Variants in FHL2 observed in about 807,000 individuals in gnomAD.
FHL2 encodes four and a half LIM domains protein 2.
FHL2 carries 20 observed loss-of-function variants against 32.7 expected under a neutral mutation model. That is an observed-to-expected ratio of 0.61 (90% CI 0.43 to 0.89). FHL2 has a LOEUF of 0.89. Ranked by LOEUF, FHL2 falls within the 40% of genes least tolerant of loss-of-function variation. The probability of loss-of-function intolerance (pLI) is 0.00; values close to 1 mark genes in which losing one functional copy is unlikely to be tolerated. For synonymous variants in FHL2, 123 were observed against 128.1 expected (o/e 0.96, Z 0.27); for missense variants, 311 against 358.6 (o/e 0.87, Z 1.07).
chr2:105,371,487 C>A (rs1231999307), intron 4 of FHL2, among the ~76,000 whole-genome samples: 1 of 151,826 alleles, frequency 6.6e-6, no homozygotes, highest in East Asian at 1.9e-4. Flanking sequence ...CAGCCTGCTG[C>A]CCTGTTCTAT....
At chr2:105,417,106 G>A (rs376123830) in intron 1 of FHL2, among the ~76,000 whole-genome samples, 6 of 152,190 alleles carry the variant, frequency 3.9e-5, no homozygotes, top group East Asian at 3.8e-4. Context: ...TGTTGCGGCC[G>A]GGCGCGGTGG....
intron 1 of FHL2, among the ~76,000 whole-genome samples, chr2:105,423,021 A>G (rs1238921412): frequency 6.6e-6 from 1 of 152,048 alleles, no homozygotes; most frequent in East Asian, 1.9e-4. Flanking sequence ...ACTCCCTCAT[A>G]GTGGAAAGCA....
At chr2:105,382,193 T>C (rs72823888) in intron 3 of FHL2, among the ~76,000 whole-genome samples, 3 of 152,328 alleles carry the variant, frequency 2.0e-5, no homozygotes, top group Non-Finnish European at 4.4e-5. Context: ...GAAAGAGAGT[T>C]TGTGAAACAA....
chr2:105,424,382 T>A (rs1310282153), intron 1 of FHL2, among the ~76,000 whole-genome samples: 1 of 152,204 alleles, frequency 6.6e-6, no homozygotes, highest in Non-Finnish European at 1.5e-5. Context: ...AAACAACAGA[T>A]GCTGGAGAGG....
chr2:105,434,022 CTT>C (rs1005963738), intron 1 of FHL2, among the ~76,000 whole-genome samples: 4 of 152,202 alleles, frequency 2.6e-5, no homozygotes, highest in Non-Finnish European at 4.4e-5. Flanking sequence ...AATCCTATCA[CTT>C]TCCATCTCCA....
chr2:105,424,780 C>A (rs574331352), intron 1 of FHL2, among the ~76,000 whole-genome samples: 8 of 152,244 alleles, frequency 5.3e-5, no homozygotes, highest in African/African-American at 1.9e-4. Flanking sequence ...AACAGAAAAC[C>A]AAACACCACA....
intron 1 of FHL2, among the ~76,000 whole-genome samples, chr2:105,409,881 G>A (rs1039308606): frequency 7.9e-5 from 12 of 152,174 alleles, no homozygotes; most frequent in Admixed American, 3.9e-4. Context: ...TAGCATCTCC[G>A]CCAGGAGAGC....
intron 1 of FHL2, among the ~76,000 whole-genome samples, chr2:105,424,398 G>A (rs898367502): frequency 1.3e-5 from 2 of 152,198 alleles, no homozygotes; most frequent in African/African-American, 4.8e-5. Flanking sequence ...AGAGGATGTG[G>A]AGAAATAGGA....
At chr2:105,412,537 A>G (rs1033825797) in intron 1 of FHL2, among the ~76,000 whole-genome samples, 3 of 152,334 alleles carry the variant, frequency 2.0e-5, no homozygotes, top group South Asian at 2.1e-4. Flanking sequence ...TGGTATGAAC[A>G]TAGGGGTCAT....
intron 3 of FHL2, among the ~76,000 whole-genome samples, chr2:105,379,160 G>C (rs6543288): frequency 0.48 from 72,266 of 152,080 alleles, 18,382 homozygotes; most frequent in African/African-American, 0.66. Flanking sequence ...TCACCATTGG[G>C]AAGTAATTGA....
At chr2:105,396,757 A>G in intron 1 of FHL2, 60 bp from the exon 2 acceptor site, 2 of 1,492,336 alleles carry the variant, frequency 1.3e-6, no homozygotes, top group Non-Finnish European at 9.3e-7. Flanking sequence ...AACTCAGTAT[A>G]ATGCAACTTG....
At chr2:105,399,059 T>A, upstream of FHL2, 2 of 1,494,856 alleles carry the variant, frequency 1.3e-6, no homozygotes, top group South Asian at 1.3e-5. Flanking sequence ...AGTGGAGCGC[T>A]GCGCAGCTCC....
At chr2:105,388,894 T>G (rs1002129563) in intron 2 of FHL2, among the ~76,000 whole-genome samples, 1 of 152,248 alleles carries the variant, frequency 6.6e-6, no homozygotes, top group South Asian at 2.1e-4. Context: ...TCACAGGATC[T>G]AAGAAAACTT....
chr2:105,377,835 G>A (rs750271967), intron 3 of FHL2: 5 of 346,768 alleles, frequency 1.4e-5, no homozygotes, highest in Non-Finnish European at 1.7e-5. Flanking sequence ...CCAGGGAGAG[G>A]GGAGGAGATC....
intron 4 of FHL2, among the ~76,000 whole-genome samples, chr2:105,372,025 G>GTTTT (rs1207487680): frequency 6.6e-6 from 1 of 152,138 alleles, no homozygotes. Context: ...TCACCATGCA[G>GTTTT]CCCTTCCAGC....
At chr2:105,362,221 A>T (rs1680322028) in intron 6 of FHL2, among the ~76,000 whole-genome samples, 1 of 152,226 alleles carries the variant, frequency 6.6e-6, no homozygotes, top group African/African-American at 2.4e-5. Flanking sequence ...CCCCTAAAAG[A>T]TTCCAAGGGA....
intron 3 of FHL2, chr2:105,385,799 G>A (rs761973152): frequency 1.2e-4 from 18 of 153,824 alleles, no homozygotes; most frequent in Admixed American, 3.3e-4. Flanking sequence ...GCTGAACCAC[G>A]CTGTGACATA....
chr2:105,396,938 G>A, intron 1 of FHL2: 3 of 473,060 alleles, frequency 6.3e-6, no homozygotes, highest in Non-Finnish European at 7.5e-6. Flanking sequence ...AAAGGAGGCT[G>A]CCTGAGTCAC....
At chr2:105,364,108 A>T (rs1444319220) in intron 5 of FHL2, among the ~76,000 whole-genome samples, 1 of 152,110 alleles carries the variant, frequency 6.6e-6, no homozygotes, top group South Asian at 2.1e-4. Flanking sequence ...AATACAAAAA[A>T]TTAGCTGAGT....
Sources: gnomAD v4.1 joint callset for allele counts (sites outside exome capture counted in the v4.1 genomes callset) on GRCh38, gnomAD v4.1.1 for gene constraint, MANE v1.5 for transcripts, NCBI Gene and HGNC (gene_info 2026-07-23, HGNC 2026-07-21) for gene names.